The following ERAP1 variants were observed in gnomAD, a reference collection of about 807,000 sequenced individuals.
ERAP1 encodes the protein endoplasmic reticulum aminopeptidase 1, also known as adipocyte-derived leucine aminopeptidase.
In ERAP1, 86 loss-of-function variants were observed where a neutral mutation model predicts 103.7. That is an observed-to-expected ratio of 0.83 (90% CI 0.70 to 0.99). The LOEUF (loss-of-function observed/expected upper bound fraction) is 0.99, where lower values mean the gene tolerates loss of function less well. Among genes scored for constraint, ERAP1 ranks in the 50% least tolerant of loss-of-function variants. The pLI, the probability that ERAP1 is intolerant of heterozygous loss-of-function variation, is 0.00. For synonymous variants in ERAP1, 398 were observed against 402.4 expected, an observed-to-expected ratio of 0.99 and a Z score of 0.13; for missense variants, 1,009 against 1,128.4, an observed-to-expected ratio of 0.89 and a Z score of 1.52.
At chr5:96,865,561 T>A in the ERAP1 span, among the ~76,000 whole-genome samples, 2 of 152,220 alleles carry the variant, frequency 1.3e-5, no homozygotes, top group African/African-American at 4.8e-5. Flanking sequence ...GGTTTTGTTT[T>A]CTAAATTGGT....
the ERAP1 span, among the ~76,000 whole-genome samples, chr5:96,865,876 A>C: frequency 0.48 from 72,390 of 151,918 alleles, 18,555 homozygotes; most frequent in African/African-American, 0.65. Context: ...CTTCCAAACC[A>C]TGTTGCTTTC....
At chr5:96,889,162 C>T in the ERAP1 span, 1 of 1,612,148 alleles carries the variant, frequency 6.2e-7, no homozygotes, top group Admixed American at 1.7e-5. Context: ...ATTCAAAAAC[C>T]TCTTCTGATC....
In ERAP1 at chr5:96,783,779, C is replaced by A. The variant is rs1306450807; in HGVS notation, c.2100+145G>T. The A allele has an allele frequency of 3.5e-6, 3 of 848,718 alleles. No homozygotes were observed. The South Asian group carries it at 5.3e-5, about 15-fold the overall frequency. 52.6% of individuals were successfully genotyped at this position (848,718 alleles called of 1,614,324 possible). ...CTTGCTAGTCCATCTAAATACTGAA[C>A]TAATATTTATTTGCTTTTCCTTAAT... is the stretch of plus-strand genomic sequence containing the variant. On this transcript the variant is annotated intron_variant, in intron 14 of 18. Transcript: ENST00000443439.
At chr5:96,895,803 C>T in the ERAP1 span, among the ~76,000 whole-genome samples, 2 of 152,084 alleles carry the variant, frequency 1.3e-5, no homozygotes, top group Non-Finnish European at 2.9e-5. Context: ...TCAGGTACGT[C>T]TTTTTTAAAA....
rs1355366417 is a variant in ERAP1, at chr5:96,795,175, G to T, written c.799-13C>A. Reference sequence around the variant, plus strand: ...CATAAACAGAAACCTAAAGAGAAAGGCACAGAAAGGAATTCAAATATCTTA... The same window carrying T: ...CATAAACAGAAACCTAAAGAGAAAGTCACAGAAAGGAATTCAAATATCTTA... On this transcript the variant is annotated splice_polypyrimidine_tract_variant and intron_variant, in intron 4 of 18. Transcript: ENST00000443439. 3 of 1,612,746 alleles carry T rather than the reference G, an allele frequency of 1.9e-6. No homozygotes were observed. Among genetic ancestry groups the T allele is most frequent in the South Asian group, 2.2e-5 (2 of 91,070 alleles).
At chr5:96,815,766 G>A in the ERAP1 span, among the ~76,000 whole-genome samples, 3 of 151,762 alleles carry the variant, frequency 2.0e-5, no homozygotes, top group Non-Finnish European at 2.9e-5. Flanking sequence ...ATTAACAGAT[G>A]CAATAAGTAA....
the ERAP1 span, among the ~76,000 whole-genome samples, chr5:96,849,340 T>C: frequency 6.6e-6 from 1 of 152,280 alleles, no homozygotes; most frequent in East Asian, 1.9e-4. Flanking sequence ...GTCTGTTTGC[T>C]GATGACATGA....
chr5:96,896,622 T>C, the ERAP1 span: 1 of 1,444,874 alleles, frequency 6.9e-7, no homozygotes, highest in Non-Finnish European at 9.2e-7. Flanking sequence ...TTTTATTTGT[T>C]CACTTTTCAG....
exon 20 of ERAP1, chr5:96,761,797 A>T (rs1768054268): frequency 6.5e-6 from 1 of 154,180 alleles, no homozygotes; most frequent in Admixed American, 6.5e-5. Flanking sequence ...ACTGATTATC[A>T]TAATAAAAGT....
At chr5:96,761,364 T>TTTAG (rs1767891377) in exon 20 of ERAP1, 1 of 152,216 alleles carries the variant, frequency 6.6e-6, no homozygotes, top group Non-Finnish European at 1.5e-5. Flanking sequence ...ACATTTTGGA[T>TTTAG]TACCTAAAAT....
the ERAP1 span, chr5:96,880,357 A>G: frequency 9.0e-7 from 1 of 1,107,460 alleles, no homozygotes; most frequent in African/African-American, 1.6e-5. Flanking sequence ...CATTTATGAG[A>G]AATCCAGTGA....
the ERAP1 span, among the ~76,000 whole-genome samples, chr5:96,926,067 C>T: frequency 6.6e-6 from 1 of 151,950 alleles, no homozygotes; most frequent in Non-Finnish European, 1.5e-5. Flanking sequence ...CGTGCCACCA[C>T]GCCCGACTAA....
the ERAP1 span, among the ~76,000 whole-genome samples, chr5:96,914,148 T>TCTCTCACA: frequency 7.4e-5 from 11 of 148,082 alleles, no homozygotes; most frequent in African/African-American, 2.5e-4. Context: ...TCTCTCTCTC[T>TCTCTCACA]CACACACACA....
intron 1 of ERAP1, chr5:96,804,944 T>TA (rs34724603): frequency 0.32 from 44,339 of 137,424 alleles, 6,943 homozygotes; most frequent in South Asian, 0.43. Context: ...ACTCTGTCTT[T>TA]AAAAAAAAAA....
rs1773916200 is a variant in ERAP1, at chr5:96,775,082, T to TAA, written c.*1312_*1313dup. The TAA allele has an allele frequency of 2.0e-6, 2 of 985,522 alleles. No individual in the cohort carries two copies. Among genetic ancestry groups the TAA allele is most frequent in the Non-Finnish European group, 2.4e-6 (2 of 829,918 alleles). 61.0% of individuals were successfully genotyped at this position (985,522 alleles called of 1,614,324 possible). A position where few individuals can be genotyped will look rare whatever the true frequency, so the allele number is the denominator to read the frequency against. The stretch of plus-strand genomic sequence containing the variant: ...GCAACAGAGCACACTATGGGTTAGA[T>TAA]AAGTCCCTGTGTAGCAAGTTTTCAG... On this transcript the variant is annotated 3_prime_UTR_variant, in exon 19 of 19. Transcript: ENST00000443439.
the ERAP1 span, chr5:96,902,306 C>T: frequency 4.0e-5 from 64 of 1,612,128 alleles, no homozygotes; most frequent in Middle Eastern, 4.9e-4. Context: ...ACCTACTCCA[C>T]GAGTTCTTCT....
downstream of ERAP1, chr5:96,773,648 G>A: frequency 6.6e-6 from 1 of 152,102 alleles, no homozygotes; most frequent in Non-Finnish European, 1.5e-5. Context: ...CCACAGCAAT[G>A]TAAGAAGTAG....
At chr5:96,821,739 T>C in the ERAP1 span, among the ~76,000 whole-genome samples, 1 of 152,104 alleles carries the variant, frequency 6.6e-6, no homozygotes, top group Non-Finnish European at 1.5e-5. Context: ...CACAGCTCAA[T>C]AGGAAGAGCT....
At chr5:96,847,934 AG>A in the ERAP1 span, among the ~76,000 whole-genome samples, 3 of 152,180 alleles carry the variant, frequency 2.0e-5, no homozygotes, top group African/African-American at 7.2e-5. Context: ...AATTAAATCC[AG>A]AGTTAGTACA....
Sources: allele counts gnomAD v4.1 joint callset (sites outside exome capture counted in the v4.1 genomes callset), GRCh38; gene constraint gnomAD v4.1.1; transcripts MANE v1.5; gene names NCBI Gene and HGNC (gene_info 2026-07-23, HGNC 2026-07-21).